The following SBDS variants were observed in gnomAD, a reference collection of about 807,000 sequenced individuals.
SBDS encodes ribosome maturation protein SBDS.
In SBDS, 20 loss-of-function variants were observed where a neutral mutation model predicts 26.4. That is an observed-to-expected ratio of 0.76 (90% CI 0.53 to 1.10). SBDS has a LOEUF of 1.10. Ranked by LOEUF, SBDS falls within the 50% of genes least tolerant of loss-of-function variation. SBDS has a pLI of 0.00. For missense variants in SBDS, 241 were observed against 302.0 expected (o/e 0.80, Z 1.50); for synonymous variants, 95 against 105.1 (o/e 0.90, Z 0.59).
At chr7:66,991,755 G>A (rs1343520266) in intron 3 of SBDS, among the ~76,000 whole-genome samples, 1 of 150,512 alleles carries the variant, frequency 6.6e-6, no homozygotes, top group Non-Finnish European at 1.5e-5. Flanking sequence ...GAGGGCGGGG[G>A]GGGTGGGCAA....
chr7:66,987,699 G>A lies in SBDS; in HGVS notation c.*672C>T, dbSNP rs1461686965. 1 of 165,386 alleles carries A rather than the reference G, an allele frequency of 6.0e-6. No individual in the cohort carries two copies. Among genetic ancestry groups the A allele is most frequent in the African/African-American group, 2.4e-5 (1 of 41,782 alleles). 10.2% of individuals were successfully genotyped at this position (165,386 alleles called of 1,614,324 possible). A position where few individuals can be genotyped will look rare whatever the true frequency, so the allele number is the denominator to read the frequency against. ...AAGTTGTCTAGAAACACAAGCCATA[G>A]TTTAATAAACATAAGAGTGGTTTTA... On this transcript the variant is annotated 3_prime_UTR_variant, in exon 5 of 5. Transcript: ENST00000246868.
rs746346017 is a variant in SBDS, at chr7:66,995,429, A to C, written c.-12T>G. ...GTGAAGATCGACATCGCGGCTGTTC[A>C]AAGACCCAGAAGCCGGCGAACCAGG... On this transcript the variant is annotated 5_prime_UTR_variant, in exon 1 of 5. Transcript: ENST00000246868. 9.9e-6 allele frequency: 16 copies of C among 1,613,140 alleles called. No individual in the cohort carries two copies. Among genetic ancestry groups the C allele is most frequent in the African/African-American group, 1.3e-5 (1 of 74,906 alleles).
rs2129231082 is a variant in SBDS at position 66,987,698 on chromosome 7, A to G, written c.*673T>C. On this transcript the variant is annotated 3_prime_UTR_variant, in exon 5 of 5. Transcript: ENST00000246868. ...GAAGTTGTCTAGAAACACAAGCCAT[A>G]GTTTAATAAACATAAGAGTGGTTTT... is the stretch of plus-strand genomic sequence containing the variant. 1 of 165,428 alleles carries G rather than the reference A, an allele frequency of 6.0e-6. No homozygotes were observed. Among genetic ancestry groups the G allele is most frequent in the East Asian group, 1.3e-4 (1 of 7,958 alleles). The allele number at this position is 165,428 out of a possible 1,614,324, so 10.2% of individuals were successfully genotyped here.
At chr7:66,994,989 C>T (rs1584438333) in intron 1 of SBDS, among the ~76,000 whole-genome samples, 1 of 152,204 alleles carries the variant, frequency 6.6e-6, no homozygotes, top group Non-Finnish European at 1.5e-5. Context: ...ACTAGGTTCT[C>T]AGCCATCATT....
chr7:66,991,758 G>C (rs949703420), intron 3 of SBDS, among the ~76,000 whole-genome samples: 1 of 144,092 alleles, frequency 6.9e-6, no homozygotes, highest in African/African-American at 2.5e-5. Context: ...GGCGGGGGGG[G>C]TGGGCAAAGA....
intron 3 of SBDS, among the ~76,000 whole-genome samples, chr7:66,991,809 C>A (rs1415016542): frequency 6.6e-6 from 1 of 151,924 alleles, no homozygotes. Context: ...GACGAGGCAC[C>A]AATAAGCACA....
rs370287930 is a variant in SBDS, at chr7:66,995,468, G to T, written c.-51C>A. ...CGGCGAACCAGGGCTGACCCGCGCC[G>T]TCCAGCCTGAAGGCCACCAGCGCCT... On this transcript the variant is annotated 5_prime_UTR_variant, in exon 1 of 5. Transcript: ENST00000246868. 7.8e-5 allele frequency: 125 copies of T among 1,611,808 alleles called. No homozygotes were observed. Among genetic ancestry groups the T allele is most frequent in the Middle Eastern group, 2.2e-4 (1 of 4,584 alleles).
intron 1 of SBDS, 60 bp from the exon 2 acceptor site, chr7:66,994,401 A>G: frequency 1.4e-6 from 2 of 1,428,628 alleles, no homozygotes; most frequent in Non-Finnish European, 2.0e-6. Context: ...ACATGCATTT[A>G]CATTTAAATA....
Position 66,995,526 on chromosome 7 carries a change from C to T in SBDS, c.-109G>A. ...ACGACCGATCGGCGCGCGGCACTGA[C>T]CCAACCACCAGTGCGCGGCGCCGCG... On this transcript the variant is annotated 5_prime_UTR_variant, in exon 1 of 5. Transcript: ENST00000246868. 6.5e-7 allele frequency: 1 copy of T among 1,534,680 alleles called. No individual in the cohort carries two copies. Among genetic ancestry groups the T allele is most frequent in the Non-Finnish European group, 8.9e-7 (1 of 1,119,828 alleles).
intron 3 of SBDS, among the ~76,000 whole-genome samples, 178 bp downstream of exon 3, chr7:66,993,039 G>A (rs543748978): frequency 8.6e-5 from 13 of 151,674 alleles, no homozygotes; most frequent in East Asian, 1.9e-4. Context: ...GAGATGGGGC[G>A]TCCCTATGTT....
At chr7:66,988,922 T>C (rs897532556) in intron 4 of SBDS, among the ~76,000 whole-genome samples, 5 of 152,060 alleles carry the variant, frequency 3.3e-5, no homozygotes, top group Middle Eastern at 3.4e-3. Context: ...TGAGATAGAG[T>C]GCAGTGGTGT....
chr7:66,990,771 C>G (rs918641654), intron 4 of SBDS, among the ~76,000 whole-genome samples: 19 of 152,108 alleles, frequency 1.2e-4, no homozygotes, highest in African/African-American at 4.3e-4. Flanking sequence ...AATCCCTGCA[C>G]TTTGGGAGGC....
At position 66,988,155 on chromosome 7, in the gene SBDS, A is replaced by G; in HGVS notation, c.*216T>C. On this transcript the variant is annotated 3_prime_UTR_variant, in exon 5 of 5. Coordinates refer to ENST00000246868, the MANE Select transcript of SBDS (RefSeq NM_016038.4). ...CTGGACTTTGCATCTTGGAGTTTCA[A>G]TTTTGCTTTAGGATTTAGACCCCAG... 4 of 530,136 alleles carry G rather than the reference A, an allele frequency of 7.5e-6. No homozygotes were observed. The highest frequency in any genetic ancestry group is 1.3e-5 in the Non-Finnish European group (4 of 296,304). The allele number at this position is 530,136 out of a possible 1,614,324, so 32.8% of individuals were successfully genotyped here.
chr7:66,995,089 C>G (rs529647356), intron 1 of SBDS: 65 of 701,320 alleles, frequency 9.3e-5, no homozygotes, highest in Admixed American at 2.6e-4. Context: ...CAACCCAATC[C>G]GAACCAACCA....
At chr7:66,994,145 G>A in intron 2 of SBDS, 67 bp downstream of exon 2, 1 of 1,523,412 alleles carries the variant, frequency 6.6e-7, no homozygotes, top group Non-Finnish European at 9.0e-7. Flanking sequence ...AGCCTTTAAT[G>A]TTTAATATAT....
intron 4 of SBDS, among the ~76,000 whole-genome samples, chr7:66,990,020 C>CTTT (rs71293171): frequency 1.4e-5 from 2 of 141,396 alleles, no homozygotes; most frequent in Non-Finnish European, 3.1e-5. Context: ...AGAATTCAAT[C>CTTT]TTTTTTTTTT....
chr7:66,988,930 TG>T (rs1792921392), intron 4 of SBDS, among the ~76,000 whole-genome samples: 1 of 152,030 alleles, frequency 6.6e-6, no homozygotes. Flanking sequence ...AGTGCAGTGG[TG>T]TGATCTTGGC....
chr7:66,992,450 A>G (rs1254529615), intron 3 of SBDS, among the ~76,000 whole-genome samples: 1 of 152,132 alleles, frequency 6.6e-6, no homozygotes, highest in Non-Finnish European at 1.5e-5. Context: ...ATACTTTATG[A>G]GTGTGAAATT....
At chr7:66,994,161 A>G (rs1329671550) in intron 2 of SBDS, 51 bp downstream of exon 2, 1 of 1,598,764 alleles carries the variant, frequency 6.3e-7, no homozygotes, top group East Asian at 2.2e-5. Flanking sequence ...TATATCTACA[A>G]ATACGTTATA....
Sources: gnomAD v4.1 joint callset for allele counts (sites outside exome capture counted in the v4.1 genomes callset) on GRCh38, gnomAD v4.1.1 for gene constraint, MANE v1.5 for transcripts, NCBI Gene and HGNC (gene_info 2026-07-23, HGNC 2026-07-21) for gene names.